The following TBC1D32 variants were observed in gnomAD, a reference collection of about 807,000 sequenced individuals.
TBC1D32 encodes the protein protein broad-minded.
In TBC1D32, 151 loss-of-function variants were observed where a neutral mutation model predicts 170.3. That is an observed-to-expected ratio of 0.89 (90% CI 0.78 to 1.01). The LOEUF (loss-of-function observed/expected upper bound fraction) is 1.01. Ranked by LOEUF, TBC1D32 falls within the 50% of genes least tolerant of loss-of-function variation. The pLI, the probability that TBC1D32 is intolerant of heterozygous loss-of-function variation, is 0.00. For missense variants in TBC1D32, 1,464 were observed against 1,457.1 expected (o/e 1.00, Z -0.08); for synonymous variants, 498 against 488.0 (o/e 1.02, Z -0.27).
chr6:121,287,996 C>G (rs1804158064), intron 12 of TBC1D32, among the ~76,000 whole-genome samples: 3 of 152,196 alleles, frequency 2.0e-5, no homozygotes, highest in Admixed American at 2.0e-4. Context: ...GGGACACATT[C>G]AAAACAGTGT....
chr6:121,080,650 T>C lies in TBC1D32; in HGVS notation c.*121A>G, dbSNP rs1775547728. The C allele has an allele frequency of 8.1e-7, 1 of 1,241,700 alleles. No homozygotes were observed. 76.9% of individuals were successfully genotyped at this position (1,241,700 alleles called of 1,614,324 possible). On this transcript the variant is annotated 3_prime_UTR_variant, in exon 32 of 32. Coordinates refer to ENST00000398212, the MANE Select transcript of TBC1D32 (RefSeq NM_152730.6). The stretch of plus-strand genomic sequence containing the variant: ...CTACTTAAATATATCGTTATACTTC[T>C]CAGTATTTACAATATGTATATTCAC...
chr6:121,331,009 G>A (rs1811145282), intron 1 of TBC1D32, among the ~76,000 whole-genome samples: 2 of 152,182 alleles, frequency 1.3e-5, no homozygotes. Flanking sequence ...AGCAGAGATA[G>A]TATGTTAGCT....
chr6:121,246,192 GC>G (rs1300396078), intron 17 of TBC1D32, among the ~76,000 whole-genome samples: 1 of 152,100 alleles, frequency 6.6e-6, no homozygotes, highest in Non-Finnish European at 1.5e-5. Flanking sequence ...TTCCAGTCCT[GC>G]CGGAGACAGT....
At chr6:121,097,674 C>T (rs1461873418) in intron 30 of TBC1D32, among the ~76,000 whole-genome samples, 3 of 152,014 alleles carry the variant, frequency 2.0e-5, no homozygotes, top group African/African-American at 7.3e-5. Flanking sequence ...ACCATTTGAC[C>T]CAGCCATCCC....
chr6:121,198,390 C>T (rs1232852984), intron 22 of TBC1D32, among the ~76,000 whole-genome samples: 1 of 149,738 alleles, frequency 6.7e-6, no homozygotes, highest in Non-Finnish European at 1.5e-5. Context: ...GATCCAAATG[C>T]CACATAAAAC....
At chr6:121,288,634 T>G (rs1441309928) in intron 12 of TBC1D32, among the ~76,000 whole-genome samples, 1 of 152,118 alleles carries the variant, frequency 6.6e-6, no homozygotes, top group Non-Finnish European at 1.5e-5. Context: ...AAAGAGGGAA[T>G]CCTCTCTAAC....
chr6:121,287,160 C>T (rs1201405728), intron 12 of TBC1D32, among the ~76,000 whole-genome samples: 4 of 151,974 alleles, frequency 2.6e-5, no homozygotes, highest in Non-Finnish European at 5.9e-5. Context: ...CAATATTAAC[C>T]TTAAATGTAA....
At chr6:121,116,995 A>G (rs1223858133) in intron 26 of TBC1D32, among the ~76,000 whole-genome samples, 1 of 152,214 alleles carries the variant, frequency 6.6e-6, no homozygotes, top group Non-Finnish European at 1.5e-5. Flanking sequence ...ACTAAAGATA[A>G]ATAGACTCGA....
intron 30 of TBC1D32, among the ~76,000 whole-genome samples, chr6:121,095,527 G>A (rs575373820): frequency 1.8e-4 from 27 of 152,276 alleles, no homozygotes; most frequent in African/African-American, 6.0e-4. Flanking sequence ...CAAAGGGAAT[G>A]CTTCCAGTTT....
chr6:121,193,746 C>A (rs927740557), intron 22 of TBC1D32, among the ~76,000 whole-genome samples: 1 of 152,202 alleles, frequency 6.6e-6, no homozygotes, highest in Non-Finnish European at 1.5e-5. Flanking sequence ...AAGCCTAATG[C>A]ATTCTTGCTT....
chr6:121,250,022 C>T (rs1798093073), intron 17 of TBC1D32, among the ~76,000 whole-genome samples: 1 of 151,910 alleles, frequency 6.6e-6, no homozygotes, highest in South Asian at 2.1e-4. Flanking sequence ...GCCCACACAG[C>T]CAAAGCAAAA....
chr6:121,119,470 A>G (rs1780035941), intron 26 of TBC1D32, among the ~76,000 whole-genome samples: 1 of 152,136 alleles, frequency 6.6e-6, no homozygotes, highest in Non-Finnish European at 1.5e-5. Flanking sequence ...TTTAATAATC[A>G]AAAGGTGAAA....
intron 15 of TBC1D32, among the ~76,000 whole-genome samples, chr6:121,273,897 T>A (rs1801846559): frequency 6.6e-6 from 1 of 152,186 alleles, no homozygotes; most frequent in African/African-American, 2.4e-5. Flanking sequence ...TTTCTGTGCA[T>A]CATTTTCCTG....
intron 17 of TBC1D32, among the ~76,000 whole-genome samples, chr6:121,250,219 T>C (rs1798118909): frequency 6.6e-6 from 1 of 151,976 alleles, no homozygotes; most frequent in Non-Finnish European, 1.5e-5. Flanking sequence ...AGAGGGACTC[T>C]TCCCTAACTC....
intron 22 of TBC1D32, among the ~76,000 whole-genome samples, chr6:121,200,770 G>T (rs1250040251): frequency 1.3e-5 from 2 of 151,484 alleles, no homozygotes; most frequent in African/African-American, 4.9e-5. Flanking sequence ...CAAGCTTTGT[G>T]TTGAAGGATG....
intron 16 of TBC1D32, among the ~76,000 whole-genome samples, chr6:121,255,851 G>A (rs890517971): frequency 7.2e-4 from 109 of 152,166 alleles, no homozygotes; most frequent in Admixed American, 7.0e-3. Flanking sequence ...TCTACGAGAA[G>A]AAAAGAATCT....
chr6:121,159,205 A>G (rs1785285385), intron 24 of TBC1D32, among the ~76,000 whole-genome samples: 1 of 152,194 alleles, frequency 6.6e-6, no homozygotes, highest in South Asian at 2.1e-4. Flanking sequence ...TTTAGTTCCC[A>G]TCACATTGTA....
rs201750657 is a variant in TBC1D32 at position 121,085,222 on chromosome 6, CAT to C, written c.3655-4334_3655-4333del. On this transcript the variant is annotated intron_variant, in intron 31 of 31. Coordinates refer to ENST00000398212, the MANE Select transcript of TBC1D32 (RefSeq NM_152730.6). ...ACATATATATACACATATATATACA[CAT>C]ATATATATACACATATACATACGTA... 8.1e-3 allele frequency among the ~76,000 whole-genome samples: 1,134 copies of C among 139,338 alleles called. 18 individuals carry two copies. The highest frequency in any genetic ancestry group is 0.027 in the African/African-American group (1,070 of 39,408). 91.4% of individuals were successfully genotyped at this position (139,338 alleles called of 152,430 possible).
intron 31 of TBC1D32, among the ~76,000 whole-genome samples, chr6:121,090,334 C>G (rs1776675786): frequency 6.6e-6 from 1 of 152,076 alleles, no homozygotes; most frequent in African/African-American, 2.4e-5. Context: ...TCCCCAACTT[C>G]CAAAATGACA....
Sources: gnomAD v4.1 joint callset for allele counts (sites outside exome capture counted in the v4.1 genomes callset) on GRCh38, gnomAD v4.1.1 for gene constraint, MANE v1.5 for transcripts, NCBI Gene and HGNC (gene_info 2026-07-23, HGNC 2026-07-21) for gene names.